FNIP1: variants seen among roughly 807,000 people sequenced by gnomAD.
FNIP1 encodes folliculin-interacting protein 1.
Under a neutral mutation model 124.5 loss-of-function variants are expected in FNIP1, and 40 were observed. The ratio of observed to expected loss-of-function variants is 0.32; its 90% CI spans 0.25 to 0.42. The LOEUF is 0.42. Ranked by LOEUF, FNIP1 falls within the 10% of genes least tolerant of loss-of-function variation. FNIP1 has a pLI of 1.00. For missense variants in FNIP1, 1,176 were observed against 1,403.7 expected, an observed-to-expected ratio of 0.84 and a Z score of 2.59; for synonymous variants, 472 against 470.6, an observed-to-expected ratio of 1.00 and a Z score of -0.04.
chr5:131,782,811 C>CA (rs1365325613), intron 1 of FNIP1, among the ~76,000 whole-genome samples: 1 of 152,178 alleles, frequency 6.6e-6, no homozygotes, highest in Non-Finnish European at 1.5e-5. Flanking sequence ...GTGGAAATAG[C>CA]AAGAGAATTA....
At chr5:131,751,401 G>C (rs1421766442) in intron 1 of FNIP1, among the ~76,000 whole-genome samples, 2 of 151,784 alleles carry the variant, frequency 1.3e-5, no homozygotes, top group African/African-American at 4.8e-5. Context: ...TAATTTATCT[G>C]TTCACATGCC....
intron 1 of FNIP1, among the ~76,000 whole-genome samples, chr5:131,770,380 T>A (rs932080429): frequency 3.9e-5 from 6 of 152,246 alleles, no homozygotes; most frequent in Non-Finnish European, 7.3e-5. Flanking sequence ...CATTTTAGAA[T>A]GCTTTACAAG....
intron 1 of FNIP1, among the ~76,000 whole-genome samples, chr5:131,768,201 C>A (rs1771504261): frequency 6.6e-6 from 1 of 152,042 alleles, no homozygotes; most frequent in South Asian, 2.1e-4. Flanking sequence ...AACATGAATT[C>A]TTGGTAAAAA....
intron 6 of FNIP1, among the ~76,000 whole-genome samples, chr5:131,712,059 CT>C (rs1769310379): frequency 6.6e-6 from 1 of 151,898 alleles, no homozygotes; most frequent in Non-Finnish European, 1.5e-5. Flanking sequence ...GATTGGAACC[CT>C]TTTTTTTCCT....
chr5:131,729,648 A>G (rs2149549155), intron 3 of FNIP1, among the ~76,000 whole-genome samples: 1 of 152,086 alleles, frequency 6.6e-6, no homozygotes, highest in Middle Eastern at 3.4e-3. Context: ...CATGATCATA[A>G]CTCACCACAT....
intron 15 of FNIP1, among the ~76,000 whole-genome samples, chr5:131,668,911 A>G (rs1169871833): frequency 6.6e-6 from 1 of 152,192 alleles, no homozygotes; most frequent in Admixed American, 6.5e-5. Context: ...ATGGGCAAAA[A>G]ATATATACAA....
chr5:131,717,074 G>A (rs1769492466), intron 5 of FNIP1, among the ~76,000 whole-genome samples: 1 of 151,778 alleles, frequency 6.6e-6, no homozygotes, highest in Non-Finnish European at 1.5e-5. Flanking sequence ...TCCCATGTTG[G>A]TGTGCTGCAC....
intron 2 of FNIP1, among the ~76,000 whole-genome samples, chr5:131,733,347 C>T (rs62383454): frequency 1.2e-4 from 19 of 152,112 alleles, no homozygotes; most frequent in Non-Finnish European, 1.3e-4. Context: ...TTGCCCTGGC[C>T]ACAACTTCCA....
chr5:131,691,281 T>C (rs1768471511), intron 11 of FNIP1, among the ~76,000 whole-genome samples: 1 of 152,178 alleles, frequency 6.6e-6, no homozygotes, highest in Non-Finnish European at 1.5e-5. Flanking sequence ...GAAAGAAATT[T>C]TAAAATATTT....
chr5:131,721,359 TA>T (rs1336284479), intron 3 of FNIP1, among the ~76,000 whole-genome samples: 1 of 152,208 alleles, frequency 6.6e-6, no homozygotes, highest in African/African-American at 2.4e-5. Flanking sequence ...GGGGAGTTAC[TA>T]ATCAATGGCA....
At chr5:131,793,195 C>A (rs1487641319) in intron 1 of FNIP1, among the ~76,000 whole-genome samples, 1 of 152,066 alleles carries the variant, frequency 6.6e-6, no homozygotes, top group African/African-American at 2.4e-5. Flanking sequence ...CCACACATGG[C>A]TAATTTTTTA....
intron 2 of FNIP1, among the ~76,000 whole-genome samples, chr5:131,740,726 G>T (rs554492543): frequency 5.9e-5 from 9 of 152,282 alleles, no homozygotes; most frequent in Middle Eastern, 3.4e-3. Context: ...GGTAAAATAA[G>T]GCTCAGACCG....
In FNIP1 at chr5:131,644,274, A is replaced by G. The variant is rs551630202; in HGVS notation, c.*411T>C. ...TAATCAAGGTTTTATAGATCTCTGT[A>G]CCTTAGAAATTAAAAATTAAAAACT... On this transcript the variant is annotated 3_prime_UTR_variant, in exon 18 of 18. Coordinates refer to ENST00000510461, the MANE Select transcript of FNIP1 (RefSeq NM_133372.3). 6.5e-6 allele frequency: 1 copy of G among 154,630 alleles called. No individual in the cohort carries two copies. Among genetic ancestry groups the G allele is most frequent in the Admixed American group, 6.5e-5 (1 of 15,362 alleles). The allele number at this position is 154,630 out of a possible 1,614,324, so 9.6% of individuals were successfully genotyped here. A position where few individuals can be genotyped will look rare whatever the true frequency, so the allele number is the denominator to read the frequency against.
At chr5:131,692,409 T>C (rs906567001) in intron 11 of FNIP1, among the ~76,000 whole-genome samples, 2 of 150,542 alleles carry the variant, frequency 1.3e-5, no homozygotes, top group Admixed American at 6.6e-5. Flanking sequence ...TCAAAGATGA[T>C]CTAAATAAAT....
intron 2 of FNIP1, among the ~76,000 whole-genome samples, chr5:131,732,598 A>G (rs1770135243): frequency 6.6e-6 from 1 of 152,176 alleles, no homozygotes; most frequent in Non-Finnish European, 1.5e-5. Flanking sequence ...TCCTTTCCCC[A>G]TTGCTTGTTT....
rs1319450136 is a variant in FNIP1 at position 131,672,606 on chromosome 5, C to T, written c.1838G>A (p.Cys613Tyr). 2 of 1,614,108 alleles carry T rather than the reference C, an allele frequency of 1.2e-6. No individual in the cohort carries two copies. The highest frequency in any genetic ancestry group is 1.7e-6 in the Non-Finnish European group (2 of 1,179,990). Residue 613 changes from cysteine to tyrosine, a missense_variant, in exon 14 of 18, where the codon TGC becomes TAC. Coordinates refer to ENST00000510461, the MANE Select transcript of FNIP1 (RefSeq NM_133372.3). ...ATTTTGCCCAAGGAGTGGATGACTGCAATATTTACAGTTACAATTGGGAGT... is the reference window on the plus strand; with the variant it reads ...ATTTTGCCCAAGGAGTGGATGACTGTAATATTTACAGTTACAATTGGGAGT... ...IRTPNCNCKY[C>Y]SHPLLGQNVE...
At chr5:131,726,453 TTTC>T (rs1769874134) in intron 3 of FNIP1, among the ~76,000 whole-genome samples, 1 of 152,198 alleles carries the variant, frequency 6.6e-6, no homozygotes, top group African/African-American at 2.4e-5. Context: ...AATTTATCCA[TTTC>T]TTCTAGATTT....
intron 1 of FNIP1, among the ~76,000 whole-genome samples, chr5:131,782,492 G>A (rs917338622): frequency 2.0e-5 from 3 of 152,114 alleles, no homozygotes; most frequent in Admixed American, 1.3e-4. Context: ...TTGAGCCCGC[G>A]AGGCAGAGGT....
intron 1 of FNIP1, among the ~76,000 whole-genome samples, chr5:131,745,874 A>G (rs2149561645): frequency 6.6e-6 from 1 of 152,364 alleles, no homozygotes; most frequent in African/African-American, 2.4e-5. Flanking sequence ...AACTATAAAG[A>G]AAACAATGTA....
Sources: gnomAD v4.1 joint callset for allele counts (sites outside exome capture counted in the v4.1 genomes callset) on GRCh38, gnomAD v4.1.1 for gene constraint, MANE v1.5 for transcripts, NCBI Gene and HGNC (gene_info 2026-07-23, HGNC 2026-07-21) for gene names.